The following ANKS1B variants were observed in gnomAD, a reference collection of about 807,000 sequenced individuals.
The protein encoded by ANKS1B is ankyrin repeat and sterile alpha motif domain-containing protein 1B.
In ANKS1B, 36 loss-of-function variants were observed where a neutral mutation model predicts 148.3. That is an observed-to-expected ratio of 0.24 (90% CI 0.19 to 0.32). ANKS1B has a LOEUF of 0.32. ANKS1B is among the 10% of genes least tolerant of loss of function. The pLI is 1.00. For synonymous variants in ANKS1B, 542 were observed against 560.8 expected, an observed-to-expected ratio of 0.97 and a Z score of 0.47; for missense variants, 1,157 against 1,542.6, an observed-to-expected ratio of 0.75 and a Z score of 4.19.
intron 14 of ANKS1B, among the ~76,000 whole-genome samples, chr12:99,233,433 T>C (rs1470616279): frequency 6.6e-6 from 1 of 152,070 alleles, no homozygotes; most frequent in African/African-American, 2.4e-5. Context: ...ATTCTAAAAA[T>C]GCAAACCTGA....
chr12:99,321,098 G>T (rs779003090), intron 12 of ANKS1B, among the ~76,000 whole-genome samples: 8 of 152,216 alleles, frequency 5.3e-5, no homozygotes, highest in Non-Finnish European at 8.8e-5. Context: ...GGTTGTATGA[G>T]GTGTCAGTTG....
At chr12:99,090,047 C>G (rs922750026) in intron 15 of ANKS1B, among the ~76,000 whole-genome samples, 2 of 152,128 alleles carry the variant, frequency 1.3e-5, no homozygotes, top group African/African-American at 4.8e-5. Context: ...GTTTTATGCA[C>G]TAATAGCTGA....
At chr12:99,472,475 G>C (rs576221203) in intron 10 of ANKS1B, among the ~76,000 whole-genome samples, 1 of 152,086 alleles carries the variant, frequency 6.6e-6, no homozygotes, top group Non-Finnish European at 1.5e-5. Context: ...ATACATGCAA[G>C]ATACTATATC....
intron 8 of ANKS1B, among the ~76,000 whole-genome samples, chr12:99,721,650 G>A (rs960835790): frequency 2.6e-5 from 4 of 152,074 alleles, no homozygotes; most frequent in South Asian, 4.2e-4. Flanking sequence ...CTCTCTTTTC[G>A]GACTCAGCCT....
chr12:99,383,453 T>C (rs2093726744), intron 12 of ANKS1B, among the ~76,000 whole-genome samples: 1 of 152,208 alleles, frequency 6.6e-6, no homozygotes, highest in Non-Finnish European at 1.5e-5. Flanking sequence ...CCTCTCACCA[T>C]TCTTTGATCT....
At chr12:99,767,974 G>GT (rs1317331669) in intron 8 of ANKS1B, among the ~76,000 whole-genome samples, 1 of 152,016 alleles carries the variant, frequency 6.6e-6, no homozygotes, top group Non-Finnish European at 1.5e-5. Context: ...AAGATGGCTG[G>GT]TTTTGTATTT....
intron 2 of ANKS1B, among the ~76,000 whole-genome samples, chr12:99,824,501 A>G (rs2082920732): frequency 7.0e-6 from 1 of 143,808 alleles, no homozygotes; most frequent in Non-Finnish European, 1.5e-5. Context: ...CTCTGTCTCA[A>G]AAAAAAAAAA....
chr12:99,627,900 AC>A (rs767450829), intron 9 of ANKS1B, among the ~76,000 whole-genome samples: 1 of 152,298 alleles, frequency 6.6e-6, no homozygotes, highest in East Asian at 1.9e-4. Context: ...ATAGTTTTGC[AC>A]CAACTACTTG....
chr12:99,345,933 C>A (rs1566933295), intron 12 of ANKS1B, among the ~76,000 whole-genome samples: 1 of 151,982 alleles, frequency 6.6e-6, no homozygotes, highest in Non-Finnish European at 1.5e-5. Flanking sequence ...TACTTTGCAC[C>A]TGTCCTAATC....
Position 99,486,594 on chromosome 12 carries a change from G to C in ANKS1B, c.1438+17882C>G, listed in dbSNP as rs991804843. Among the ~76,000 whole-genome samples, 3 of 152,104 alleles carry C rather than the reference G, an allele frequency of 2.0e-5. No homozygotes were observed. In the East Asian group the frequency reaches 5.8e-4, roughly 29 times the overall value. On this transcript the variant is annotated intron_variant, in intron 10 of 26. Coordinates refer to ENST00000683438, the MANE Select transcript of ANKS1B (RefSeq NM_001352186.2). The stretch of plus-strand genomic sequence containing the variant: ...AACCAGCTGTGGCTAAAGCAAGTAG[G>C]TAAATGCAATACCCAATGGTGGGTA...
intron 14 of ANKS1B, among the ~76,000 whole-genome samples, chr12:99,156,600 G>T (rs1045105128): frequency 1.1e-4 from 16 of 152,234 alleles, no homozygotes; most frequent in Non-Finnish European, 2.1e-4. Flanking sequence ...AGCCCATAAT[G>T]GGCTTTGGTT....
intron 14 of ANKS1B, among the ~76,000 whole-genome samples, chr12:99,202,482 G>A (rs1010485011): frequency 6.6e-6 from 1 of 152,292 alleles, no homozygotes; most frequent in Admixed American, 6.5e-5. Context: ...TCAGTACTTG[G>A]ACGTCAAGCA....
chr12:98,866,945 C>G (rs79729426), intron 17 of ANKS1B, among the ~76,000 whole-genome samples: 3,410 of 152,288 alleles, frequency 0.022, 132 homozygotes, highest in African/African-American at 0.077. Flanking sequence ...TATCCCAGCA[C>G]TTGGAGCCTT....
At chr12:98,869,954 A>G (rs1308348587) in intron 17 of ANKS1B, among the ~76,000 whole-genome samples, 1 of 152,192 alleles carries the variant, frequency 6.6e-6, no homozygotes, top group Non-Finnish European at 1.5e-5. Flanking sequence ...TGAAAACCAG[A>G]AAGTAGTCTT....
chr12:99,321,983 C>T (rs1284215847), intron 12 of ANKS1B, among the ~76,000 whole-genome samples: 10 of 152,174 alleles, frequency 6.6e-5, no homozygotes, highest in Non-Finnish European at 1.5e-4. Flanking sequence ...GAAATACCAT[C>T]TGTCCCAGCA....
intron 14 of ANKS1B, among the ~76,000 whole-genome samples, chr12:99,227,863 C>G (rs572703958): frequency 9.2e-5 from 14 of 152,118 alleles, no homozygotes; most frequent in African/African-American, 3.4e-4. Flanking sequence ...TAGTAAAGAA[C>G]TTATCTATCT....
intron 9 of ANKS1B, among the ~76,000 whole-genome samples, chr12:99,591,224 C>T (rs1488243802): frequency 6.6e-6 from 1 of 151,838 alleles, no homozygotes; most frequent in Non-Finnish European, 1.5e-5. Context: ...ATGAAATTTT[C>T]TTTTATATAA....
chr12:99,557,233 C>A (rs75614348), intron 9 of ANKS1B, among the ~76,000 whole-genome samples: 2,136 of 152,268 alleles, frequency 0.014, 55 homozygotes, highest in African/African-American at 0.049. Context: ...ATGTTGGAAA[C>A]ATTTTCATGA....
intron 12 of ANKS1B, among the ~76,000 whole-genome samples, chr12:99,373,033 G>A (rs377525340): frequency 2.0e-5 from 3 of 152,104 alleles, no homozygotes; most frequent in African/African-American, 7.2e-5. Context: ...GAAAGTTTGA[G>A]GTACCATGAA....
Sources: allele counts gnomAD v4.1 joint callset (sites outside exome capture counted in the v4.1 genomes callset), GRCh38; gene constraint gnomAD v4.1.1; transcripts MANE v1.5; gene names NCBI Gene and HGNC (gene_info 2026-07-23, HGNC 2026-07-21).